Variants in NKAIN2 observed in about 807,000 individuals in gnomAD.
NKAIN2 encodes the protein sodium/potassium-transporting ATPase subunit beta-1-interacting protein 2.
Under a neutral mutation model 32.6 loss-of-function variants are expected in NKAIN2, and 14 were observed. The observed-to-expected ratio is 0.43, with a 90% CI of 0.28 to 0.67. The LOEUF (loss-of-function observed/expected upper bound fraction) is 0.67, where lower values mean the gene tolerates loss of function less well. Among genes scored for constraint, NKAIN2 ranks in the 30% least tolerant of loss-of-function variants. NKAIN2 has a pLI of 0.17. For synonymous variants in NKAIN2, 80 were observed against 87.2 expected, an observed-to-expected ratio of 0.92 and a Z score of 0.46; for missense variants, 198 against 258.3, an observed-to-expected ratio of 0.77 and a Z score of 1.60.
intron 1 of NKAIN2, among the ~76,000 whole-genome samples, chr6:124,207,532 TG>T (rs1336779824): frequency 2.6e-5 from 4 of 151,386 alleles, no homozygotes; most frequent in African/African-American, 9.7e-5. Context: ...TCTTTAATTC[TG>T]CTTATTTTCT....
intron 4 of NKAIN2, among the ~76,000 whole-genome samples, chr6:124,779,105 T>C (rs922125718): frequency 3.3e-5 from 5 of 151,950 alleles, no homozygotes; most frequent in African/African-American, 1.2e-4. Context: ...CTGGGCGTGG[T>C]GGCACAGGCT....
intron 2 of NKAIN2, among the ~76,000 whole-genome samples, chr6:124,339,862 T>C (rs1464568863): frequency 2.0e-5 from 3 of 152,104 alleles, no homozygotes; most frequent in Non-Finnish European, 4.4e-5. Context: ...CTTAAAGCAA[T>C]AGAATAAAGA....
chr6:124,344,734 T>A (rs1430793566), intron 2 of NKAIN2, among the ~76,000 whole-genome samples: 3 of 152,214 alleles, frequency 2.0e-5, no homozygotes, highest in South Asian at 2.1e-4. Flanking sequence ...GATTTTGGGC[T>A]GAGACAATGG....
At chr6:123,906,345 C>T (rs1315230986) in intron 1 of NKAIN2, among the ~76,000 whole-genome samples, 2 of 140,888 alleles carry the variant, frequency 1.4e-5, no homozygotes, top group Non-Finnish European at 3.2e-5. Context: ...TACAGTGGTG[C>T]GATCATGGCT....
At position 124,450,990 on chromosome 6, in the gene NKAIN2, G is replaced by A. The variant is rs116735813; in HGVS notation, c.273+95643G>A. 7.3e-3 allele frequency among the ~76,000 whole-genome samples: 1,118 copies of A among 152,170 alleles called. 9 individuals carry two copies. The highest frequency in any genetic ancestry group is 0.026 in the African/African-American group (1,077 of 41,536). On this transcript the variant is annotated intron_variant, in intron 3 of 6. Transcript: ENST00000368417. Reference sequence around the variant, plus strand: ...AAGGACTATTTAACCCAGCTATGCAGTAATGCAAAAAATATGACTAAAACA... The same window carrying A: ...AAGGACTATTTAACCCAGCTATGCAATAATGCAAAAAATATGACTAAAACA...
Position 124,286,334 on chromosome 6 carries a change from G to A in NKAIN2, c.192+3192G>A, listed in dbSNP as rs185145503. Among the ~76,000 whole-genome samples, 325 of 151,360 alleles carry A rather than the reference G, an allele frequency of 2.1e-3. 2 individuals carry two copies. The highest frequency in any genetic ancestry group is 7.0e-3 in the African/African-American group (287 of 41,240). ...AATCATTTCCAACAAAAATACTCTC[G>A]TCTTTTTTTGTGAATCATTCCTTAG... On this transcript the variant is annotated intron_variant, in intron 2 of 6. Transcript: ENST00000368417.
intron 4 of NKAIN2, among the ~76,000 whole-genome samples, chr6:124,708,495 G>T (rs1177990006): frequency 6.6e-6 from 1 of 152,100 alleles, no homozygotes; most frequent in African/African-American, 2.4e-5. Context: ...TCTTCCATTT[G>T]TTTGTATCCT....
chr6:124,434,660 T>C (rs1775360267), intron 3 of NKAIN2, among the ~76,000 whole-genome samples: 1 of 152,198 alleles, frequency 6.6e-6, no homozygotes, highest in Non-Finnish European at 1.5e-5. Context: ...AACTTTCACT[T>C]CTCTTAAGAA....
At chr6:124,596,996 G>A (rs983955321) in intron 3 of NKAIN2, among the ~76,000 whole-genome samples, 1 of 152,096 alleles carries the variant, frequency 6.6e-6, no homozygotes, top group African/African-American at 2.4e-5. Flanking sequence ...AAGAGAAAGT[G>A]AATTCTCCCT....
chr6:124,457,667 C>T (rs1343932760), intron 3 of NKAIN2, among the ~76,000 whole-genome samples: 1 of 151,934 alleles, frequency 6.6e-6, no homozygotes, highest in African/African-American at 2.4e-5. Flanking sequence ...TGAAGTCACT[C>T]CACAGGATAC....
intron 5 of NKAIN2, among the ~76,000 whole-genome samples, chr6:124,808,587 C>A (rs1459626451): frequency 1.3e-5 from 2 of 152,106 alleles, no homozygotes. Flanking sequence ...ACAGGGATGC[C>A]CTCTCTCACC....
At chr6:123,944,992 A>G (rs201634600) in intron 1 of NKAIN2, among the ~76,000 whole-genome samples, 1 of 152,080 alleles carries the variant, frequency 6.6e-6, no homozygotes, top group Non-Finnish European at 1.5e-5. Flanking sequence ...GATTTTATGT[A>G]TGGAAACTTG....
chr6:124,777,154 G>A (rs542777976), intron 4 of NKAIN2, among the ~76,000 whole-genome samples: 4 of 152,188 alleles, frequency 2.6e-5, no homozygotes, highest in Admixed American at 1.3e-4. Flanking sequence ...ATATTAAAGT[G>A]CAGATGGAAA....
intron 2 of NKAIN2, among the ~76,000 whole-genome samples, chr6:124,344,570 A>G (rs1386947717): frequency 6.6e-6 from 1 of 151,642 alleles, no homozygotes; most frequent in Non-Finnish European, 1.5e-5. Flanking sequence ...TTGGATTCCT[A>G]AGTATTTTAT....
chr6:123,905,964 G>A (rs1232255263), intron 1 of NKAIN2, among the ~76,000 whole-genome samples: 1 of 152,084 alleles, frequency 6.6e-6, no homozygotes, highest in East Asian at 1.9e-4. Flanking sequence ...GATGGATTTT[G>A]GAATTGTTTT....
chr6:124,030,399 T>TAGTC (rs1172237820), intron 1 of NKAIN2, among the ~76,000 whole-genome samples: 1 of 152,156 alleles, frequency 6.6e-6, no homozygotes, highest in Admixed American at 6.5e-5. Context: ...ATTCACTTAA[T>TAGTC]AGTCTTGTAA....
intron 2 of NKAIN2, among the ~76,000 whole-genome samples, chr6:124,324,003 G>A (rs547949309): frequency 2.2e-4 from 33 of 152,074 alleles, no homozygotes; most frequent in African/African-American, 7.5e-4. Flanking sequence ...GTGTTAGCCA[G>A]GATGGTCTCG....
intron 4 of NKAIN2, among the ~76,000 whole-genome samples, chr6:124,716,418 G>C (rs1775759351): frequency 1.3e-5 from 2 of 152,178 alleles, no homozygotes; most frequent in African/African-American, 4.8e-5. Context: ...AAAACAGCCA[G>C]AGTCTGAGAA....
chr6:124,660,625 T>A (rs1784712985), intron 4 of NKAIN2, among the ~76,000 whole-genome samples: 1 of 152,140 alleles, frequency 6.6e-6, no homozygotes, highest in Non-Finnish European at 1.5e-5. Context: ...GAGTAAACCA[T>A]CCTAGGATGT....
Sources: allele counts gnomAD v4.1 joint callset (sites outside exome capture counted in the v4.1 genomes callset), GRCh38; gene constraint gnomAD v4.1.1; transcripts MANE v1.5; gene names NCBI Gene and HGNC (gene_info 2026-07-23, HGNC 2026-07-21).